Variants in COL4A5 observed in about 807,000 individuals in gnomAD.
COL4A5 encodes the protein collagen alpha-5(IV) chain.
Under a neutral mutation model 130.2 loss-of-function variants are expected in COL4A5, and 26 were observed. The ratio of observed to expected loss-of-function variants is 0.20; its 90% confidence interval spans 0.15 to 0.28. The LOEUF (loss-of-function observed/expected upper bound fraction) is 0.28, where lower values mean the gene tolerates loss of function less well. Among genes scored for constraint, COL4A5 ranks in the 10% least tolerant of loss-of-function variants. The pLI, the probability that COL4A5 is intolerant of heterozygous loss-of-function variation, is 1.00. For missense variants in COL4A5, 1,131 were observed against 1,344.3 expected (o/e 0.84, Z 2.48); for synonymous variants, 496 against 439.6 (o/e 1.13, Z -1.60).
chrX:108,490,990 A>T (rs2064988515), intron 1 of COL4A5, among the ~76,000 whole-genome samples: 1 of 112,310 alleles, frequency 8.9e-6, no homozygotes, highest in Non-Finnish European at 1.9e-5. Flanking sequence ...CTTGTTCTTT[A>T]TTATGGCTGC....
intron 37 of COL4A5, among the ~76,000 whole-genome samples, chrX:108,660,523 A>G (rs2067935812): frequency 9.0e-6 from 1 of 111,633 alleles, no homozygotes; most frequent in Admixed American, 9.5e-5. Context: ...TCCCTTTTTG[A>G]TATTTGTTGC....
At chrX:108,477,975 G>GT (rs1337496654) in intron 1 of COL4A5, among the ~76,000 whole-genome samples, 4 of 110,828 alleles carry the variant, frequency 3.6e-5, no homozygotes, top group East Asian at 5.7e-4. Flanking sequence ...GCAGGTCGTG[G>GT]TTTTTTTTCC....
intron 1 of COL4A5, among the ~76,000 whole-genome samples, chrX:108,521,607 C>T (rs2065266011): frequency 9.0e-6 from 1 of 110,800 alleles, no homozygotes; most frequent in African/African-American, 3.3e-5. Flanking sequence ...TTGGGGCTCG[C>T]GGAAACCCAG....
At chrX:108,582,793 A>G (rs2066272202) in intron 16 of COL4A5, 91 bp from the exon 17 acceptor site, 1 of 717,606 alleles carries the variant, frequency 1.4e-6, no homozygotes, top group Non-Finnish European at 2.2e-6. Flanking sequence ...TTTTGCCAGT[A>G]TTCTCATTGC....
intron 2 of COL4A5, among the ~76,000 whole-genome samples, chrX:108,543,069 C>A (rs1462292361): frequency 9.0e-6 from 1 of 111,100 alleles, no homozygotes; most frequent in Non-Finnish European, 1.9e-5. Context: ...CCTGTTCACT[C>A]TGATAGTAGT....
At position 108,597,058 on chromosome X, in the gene COL4A5, A is replaced by G; in HGVS notation, c.1577A>G (p.Lys526Arg). 1 of 1,190,997 alleles carries G rather than the reference A, an allele frequency of 8.4e-7. No homozygotes were observed. The change falls in exon 23 of 53, where the codon AAA (lysine) becomes AGA (arginine). Residue 526 changes from lysine (K) to arginine (R), a missense_variant. Coordinates refer to ENST00000328300, the MANE Select transcript of COL4A5 (RefSeq NM_033380.3). ...GGACAAGCTGGTGCAACTGGTCCCA[A>G]AGGATTACCAGTAAGTTTTGAGTAT... ...EKGQAGATGPKGLPGIPGAPG... is the reference protein window; with the variant it reads ...EKGQAGATGPRGLPGIPGAPG...
chrX:108,478,100 A>G (rs937549675), intron 1 of COL4A5, among the ~76,000 whole-genome samples: 1 of 110,939 alleles, frequency 9.0e-6, no homozygotes, highest in African/African-American at 3.3e-5. Context: ...TAATACCCTA[A>G]TGGATCTCCT....
chrX:108,508,295 A>C (rs1021934720), intron 1 of COL4A5, among the ~76,000 whole-genome samples: 10 of 110,921 alleles, frequency 9.0e-5, no homozygotes, highest in Admixed American at 9.6e-5. Flanking sequence ...CAATTGCCAC[A>C]AAAAGGATGA....
At chrX:108,695,615 A>AT in intron 52 of COL4A5, 176 bp downstream of exon 52, 1 of 483,882 alleles carries the variant, frequency 2.1e-6, no homozygotes. Context: ...AACAGACTTG[A>AT]TTATTAATAT....
intron 4 of COL4A5, among the ~76,000 whole-genome samples, chrX:108,567,201 C>A: frequency 8.9e-6 from 1 of 111,776 alleles, no homozygotes. Flanking sequence ...ACCAGTTTTG[C>A]TAAAGAATTA....
intron 36 of COL4A5, among the ~76,000 whole-genome samples, chrX:108,646,856 G>A (rs1208220748): frequency 9.0e-6 from 1 of 110,612 alleles, no homozygotes; most frequent in Non-Finnish European, 1.9e-5. Flanking sequence ...CCCATTGCTT[G>A]TTTTTGTCAG....
At chrX:108,466,017 G>A (rs753798810) in intron 1 of COL4A5, among the ~76,000 whole-genome samples, 4 of 111,405 alleles carry the variant, frequency 3.6e-5, no homozygotes, top group South Asian at 3.8e-4. Context: ...AATACATTAT[G>A]TGACATTTTG....
In COL4A5 at chrX:108,615,472, T is replaced by G. The variant is rs146631736; in HGVS notation, c.2509+448T>G. On this transcript the variant is annotated intron_variant, in intron 30 of 52. Transcript: ENST00000328300. ...TGTATTTTAGGCATTCCCATTTTCT[T>G]TTTTTTTCAGTGAGTTATTTTCCCT... 1.1e-4 allele frequency among the ~76,000 whole-genome samples: 12 copies of G among 111,442 alleles called. No individual in the cohort carries two copies. In the East Asian group the frequency reaches 3.1e-3, roughly 29 times the overall value.
chrX:108,493,062 CT>C (rs2065006054), intron 1 of COL4A5, among the ~76,000 whole-genome samples: 1 of 111,431 alleles, frequency 9.0e-6, no homozygotes, highest in Non-Finnish European at 1.9e-5. Flanking sequence ...TCATTTTCAT[CT>C]TTATAAGGAA....
At chrX:108,654,906 G>A (rs367621609) in intron 36 of COL4A5, among the ~76,000 whole-genome samples, 1 of 112,637 alleles carries the variant, frequency 8.9e-6, no homozygotes, top group East Asian at 2.8e-4. Context: ...AAGTCAGACT[G>A]TTTGAATCCA....
At chrX:108,532,003 A>G (rs1322309448) in intron 1 of COL4A5, among the ~76,000 whole-genome samples, 3 of 111,271 alleles carry the variant, frequency 2.7e-5, no homozygotes, top group Non-Finnish European at 3.8e-5. Flanking sequence ...AATTCTAACA[A>G]TCGTACAAGA....
In COL4A5 at chrX:108,687,691, T is replaced by C. The variant is rs1603323457; in HGVS notation, c.4525T>C (p.Leu1509=). The C allele has an allele frequency of 3.3e-6, 4 of 1,199,419 alleles. No homozygotes were observed. Among genetic ancestry groups the C allele is most frequent in the African/African-American group, 3.5e-5 (2 of 56,964 alleles). The change falls in exon 49 of 53, where the codon TTG becomes CTG. Residue 1509 remains leucine (L), a synonymous_variant. Transcript: ENST00000328300. ...QGNKRAHGQD[L]GTAGSCLRRF... is the part of the protein sequence containing the mutation. The stretch of plus-strand genomic sequence containing the variant: ...AAATAAAAGAGCCCACGGTCAAGAC[T>C]TGGGTGAGATAATCAATATCTAATT...
chrX:108,652,669 C>A (rs999679348), intron 36 of COL4A5, among the ~76,000 whole-genome samples: 2 of 112,058 alleles, frequency 1.8e-5, no homozygotes, highest in East Asian at 5.6e-4. Flanking sequence ...ATTACTAGGA[C>A]ATAGTAGAGA....
chrX:108,581,391 A>G (rs1044825544), intron 16 of COL4A5, among the ~76,000 whole-genome samples: 4 of 111,698 alleles, frequency 3.6e-5, no homozygotes, highest in Non-Finnish European at 7.5e-5. Context: ...TTAAAGTCAG[A>G]TTTATTGAGA....
Sources: allele counts gnomAD v4.1 joint callset (sites outside exome capture counted in the v4.1 genomes callset), GRCh38; gene constraint gnomAD v4.1.1; transcripts MANE v1.5; gene names NCBI Gene and HGNC (gene_info 2026-07-23, HGNC 2026-07-21).